The following CLIC5 variants were observed in gnomAD, a reference collection of about 807,000 sequenced individuals.
The protein encoded by CLIC5 is chloride intracellular channel protein 5.
In CLIC5, 20 loss-of-function variants were observed where a neutral mutation model predicts 24.7. That is an observed-to-expected ratio of 0.81 (90% CI 0.57 to 1.18). The LOEUF (loss-of-function observed/expected upper bound fraction) is 1.18, where lower values mean the gene tolerates loss of function less well. CLIC5 is among the 50% of genes most tolerant of loss of function. The probability of loss-of-function intolerance (pLI) is 0.00; values close to 1 mark genes in which losing one functional copy is unlikely to be tolerated. For synonymous variants in CLIC5, 159 were observed against 135.6 expected (o/e 1.17, Z -1.20); for missense variants, 341 against 326.1 (o/e 1.05, Z -0.35).
Position 45,971,586 on chromosome 6 carries a change from A to G in CLIC5, c.64-16342T>C, listed in dbSNP as rs546529556. Among the ~76,000 whole-genome samples the G allele has an allele frequency of 5.3e-4, 80 of 152,332 alleles. 1 individual carries two copies. Among genetic ancestry groups the G allele is most frequent in the African/African-American group, 1.8e-3 (74 of 41,574 alleles). On this transcript the variant is annotated intron_variant, in intron 1 of 5. Coordinates refer to ENST00000339561, the MANE Select transcript of CLIC5 (RefSeq NM_016929.5). ...AATGACAGATAGTCTTCTAGATCCT[A>G]TCTAATGTTTAGGATCAGCCCCTTC...
chr6:46,043,491 G>A (rs964109142), intron 1 of CLIC5, among the ~76,000 whole-genome samples: 7 of 152,216 alleles, frequency 4.6e-5, no homozygotes, highest in Admixed American at 3.3e-4. Context: ...GGTGGTGGAA[G>A]TATAACAGGT....
At chr6:45,958,274 G>C (rs1230642082) in intron 1 of CLIC5, among the ~76,000 whole-genome samples, 4 of 151,318 alleles carry the variant, frequency 2.6e-5, no homozygotes, top group Admixed American at 6.6e-5. Flanking sequence ...AGCTAGAAGA[G>C]ACAAGTAGAG....
intron 1 of CLIC5, among the ~76,000 whole-genome samples, chr6:45,969,488 G>A (rs1299078394): frequency 2.2e-5 from 3 of 135,640 alleles, no homozygotes; most frequent in Non-Finnish European, 4.6e-5. Flanking sequence ...TTCAGACTAG[G>A]GCAGTTGAGA....
chr6:45,883,599 G>T (rs1762280701), intron 6 of CLIC5, among the ~76,000 whole-genome samples: 1 of 152,180 alleles, frequency 6.6e-6, no homozygotes. Flanking sequence ...TGTGCTGGTT[G>T]CTGGGCCCTC....
At chr6:46,094,872 C>A in the CLIC5 span, among the ~76,000 whole-genome samples, 5 of 152,226 alleles carry the variant, frequency 3.3e-5, no homozygotes, top group Non-Finnish European at 5.9e-5. Flanking sequence ...CTCTGCATTG[C>A]CCTAATAGAG....
chr6:45,960,387 G>C (rs1462314402), intron 1 of CLIC5, among the ~76,000 whole-genome samples: 2 of 152,192 alleles, frequency 1.3e-5, no homozygotes, highest in African/African-American at 2.4e-5. Flanking sequence ...TGTGAGAACA[G>C]GGGGAATTTC....
At chr6:46,055,776 C>T (rs955651656) in intron 1 of CLIC5, among the ~76,000 whole-genome samples, 3 of 152,182 alleles carry the variant, frequency 2.0e-5, no homozygotes, top group Admixed American at 6.5e-5. Flanking sequence ...GGAATCCTCA[C>T]AGTCCATCTG....
intron 1 of CLIC5, among the ~76,000 whole-genome samples, chr6:46,072,039 A>G (rs1762614862): frequency 6.6e-6 from 1 of 152,080 alleles, no homozygotes; most frequent in African/African-American, 2.4e-5. Context: ...AATGATGAGA[A>G]CACACAGACA....
chr6:46,058,578 A>T (rs1768326318), intron 1 of CLIC5, among the ~76,000 whole-genome samples: 1 of 152,252 alleles, frequency 6.6e-6, no homozygotes, highest in Non-Finnish European at 1.5e-5. Context: ...TGTCTGGAAT[A>T]TGTGCAAAGT....
intron 1 of CLIC5, among the ~76,000 whole-genome samples, chr6:46,071,615 C>T (rs922427162): frequency 7.9e-5 from 12 of 152,190 alleles, no homozygotes; most frequent in South Asian, 2.1e-4. Flanking sequence ...AGATTAATGA[C>T]CACTTATACA....
intron 1 of CLIC5, among the ~76,000 whole-genome samples, chr6:45,998,098 C>G (rs1766217072): frequency 6.6e-6 from 1 of 152,216 alleles, no homozygotes; most frequent in Non-Finnish European, 1.5e-5. Context: ...GAGCGGTTGT[C>G]TGGGGCTTCA....
At chr6:46,027,887 T>A (rs1337713586) in intron 1 of CLIC5, among the ~76,000 whole-genome samples, 1 of 152,204 alleles carries the variant, frequency 6.6e-6, no homozygotes, top group African/African-American at 2.4e-5. Context: ...TTTAAAAAAA[T>A]TGCATTGAAG....
chr6:46,050,516 T>C (rs1768073785), intron 1 of CLIC5, among the ~76,000 whole-genome samples: 1 of 152,184 alleles, frequency 6.6e-6, no homozygotes, highest in South Asian at 2.1e-4. Context: ...GTTTGAATCA[T>C]CCCATCTTAG....
chr6:46,092,933 T>C, the CLIC5 span, among the ~76,000 whole-genome samples: 1 of 152,206 alleles, frequency 6.6e-6, no homozygotes, highest in Non-Finnish European at 1.5e-5. Context: ...TTGCAGTCAC[T>C]TTACTTTCAA....
At chr6:45,967,473 T>C (rs1340376474) in intron 1 of CLIC5, among the ~76,000 whole-genome samples, 1 of 152,174 alleles carries the variant, frequency 6.6e-6, no homozygotes, top group Non-Finnish European at 1.5e-5. Flanking sequence ...CAATGCCTAA[T>C]GTGAGCCTCA....
the CLIC5 span, among the ~76,000 whole-genome samples, chr6:46,107,584 T>A: frequency 1.8e-3 from 267 of 152,330 alleles, 1 homozygote; most frequent in Middle Eastern, 3.4e-3. Context: ...CAGTTCTGTA[T>A]ACAAAGTACA....
the CLIC5 span, among the ~76,000 whole-genome samples, chr6:46,105,603 C>A: frequency 6.6e-6 from 1 of 152,132 alleles, no homozygotes; most frequent in Non-Finnish European, 1.5e-5. Flanking sequence ...GTGACTCAGG[C>A]CCCTTAAGAA....
At position 45,941,599 on chromosome 6, in the gene CLIC5, G is replaced by A. The variant is rs766523811; in HGVS notation, c.354C>T (p.Ile118=). 6.2e-7 allele frequency: 1 copy of A among 1,613,880 alleles called. No individual in the cohort carries two copies. The highest frequency in any genetic ancestry group is 1.7e-5 in the Admixed American group (1 of 59,998). The change falls in exon 4 of 6, where the codon ATC becomes ATT. Residue 118 remains isoleucine (I), a synonymous_variant. Transcript: ENST00000339561. ...HRESNTAGID[I]FSKFSAYIKN... ...TGATGTAGGCAGAAAACTTGGAAAAGATGTCGATGCCCGCTGTGTTGGATT... is the reference window on the plus strand; with the variant it reads ...TGATGTAGGCAGAAAACTTGGAAAAAATGTCGATGCCCGCTGTGTTGGATT...
At chr6:46,115,281 C>T in the CLIC5 span, among the ~76,000 whole-genome samples, 1 of 152,180 alleles carries the variant, frequency 6.6e-6, no homozygotes, top group African/African-American at 2.4e-5. Context: ...AGAAATCCAC[C>T]TCCATTTTCA....
Sources: gnomAD v4.1 joint callset for allele counts (sites outside exome capture counted in the v4.1 genomes callset) on GRCh38, gnomAD v4.1.1 for gene constraint, MANE v1.5 for transcripts, NCBI Gene and HGNC (gene_info 2026-07-23, HGNC 2026-07-21) for gene names.